The following CNTN4 variants were observed in gnomAD, a reference collection of about 807,000 sequenced individuals.
CNTN4 encodes the protein contactin 4.
In CNTN4, 77 loss-of-function variants were observed where a neutral mutation model predicts 122.5. That is an observed-to-expected ratio of 0.63 (90% CI 0.52 to 0.76). The LOEUF is 0.76. CNTN4 is among the 30% of genes least tolerant of loss of function. CNTN4 has a pLI of 0.00. For missense variants in CNTN4, 1,256 were observed against 1,259.1 expected, an observed-to-expected ratio of 1.00 and a Z score of 0.04; for synonymous variants, 512 against 447.0, an observed-to-expected ratio of 1.15 and a Z score of -1.83.
intron 3 of CNTN4, among the ~76,000 whole-genome samples, chr3:2,438,212 T>G (rs1164901825): frequency 6.6e-6 from 1 of 152,174 alleles, no homozygotes; most frequent in African/African-American, 2.4e-5. Context: ...TTCAGGATAT[T>G]CCTTTATTTT....
At chr3:2,388,669 A>T (rs996319031) in intron 3 of CNTN4, among the ~76,000 whole-genome samples, 3 of 151,738 alleles carry the variant, frequency 2.0e-5, no homozygotes, top group African/African-American at 7.3e-5. Flanking sequence ...ATGTGACAAA[A>T]CTCTGTCTCT....
chr3:2,974,780 G>A lies in CNTN4; in HGVS notation c.1359-13565G>A, dbSNP rs150504411. On this transcript the variant is annotated intron_variant, in intron 13 of 24. Transcript: ENST00000418658. ...TTCTATCATGATAGTGAATGAGCTA[G>A]TAGATTCCACTTTCATTTTCTCTCT... Among the ~76,000 whole-genome samples, 300 of 152,336 alleles carry A rather than the reference G, an allele frequency of 2.0e-3. 1 individual carries two copies. The highest frequency in any genetic ancestry group is 5.6e-4 in the Non-Finnish European group (38 of 68,030).
chr3:2,766,559 A>G (rs1576710242), intron 6 of CNTN4, among the ~76,000 whole-genome samples: 5 of 152,188 alleles, frequency 3.3e-5, no homozygotes, highest in Non-Finnish European at 1.5e-5. Context: ...ACGCAAAGGC[A>G]TAAGAATGAT....
At chr3:2,836,552 AAT>A (rs1422609237) in intron 7 of CNTN4, among the ~76,000 whole-genome samples, 2 of 152,098 alleles carry the variant, frequency 1.3e-5, no homozygotes, top group Non-Finnish European at 2.9e-5. Context: ...GGATGAGAAA[AAT>A]ACCTGAGACA....
rs2046460112 is a variant in CNTN4 at position 2,392,077 on chromosome 3, A to T, written c.-89+52844A>T. Among the ~76,000 whole-genome samples the T allele has an allele frequency of 2.0e-5, 3 of 152,206 alleles. No homozygotes were observed. In the South Asian group the frequency reaches 6.2e-4, roughly 32 times the overall value. ...AATTGCACCCTGCTAAGCAGCGCCGAGCCAAGTAAAATGTTGCTACATGAC... is the reference window on the plus strand; with the variant it reads ...AATTGCACCCTGCTAAGCAGCGCCGTGCCAAGTAAAATGTTGCTACATGAC... On this transcript the variant is annotated intron_variant, in intron 3 of 24. Coordinates refer to ENST00000418658, the MANE Select transcript of CNTN4 (RefSeq NM_175607.3).
intron 2 of CNTN4, among the ~76,000 whole-genome samples, chr3:2,150,981 G>GT (rs2035470161): frequency 1.3e-5 from 2 of 152,152 alleles, no homozygotes; most frequent in Admixed American, 1.3e-4. Flanking sequence ...TCGTAAGTAA[G>GT]TTGAGGATAC....
At chr3:2,542,079 A>G (rs1351156644) in intron 3 of CNTN4, among the ~76,000 whole-genome samples, 1 of 152,122 alleles carries the variant, frequency 6.6e-6, no homozygotes, top group Admixed American at 6.6e-5. Context: ...GGTCAGTAGC[A>G]CAGTGCCCCT....
chr3:2,951,308 G>A lies in CNTN4; in HGVS notation c.1358+25529G>A, dbSNP rs192340925. 9.9e-4 allele frequency among the ~76,000 whole-genome samples: 151 copies of A among 152,254 alleles called. 2 individuals are homozygous for A. Among genetic ancestry groups the A allele is most frequent in the African/African-American group, 3.5e-3 (144 of 41,548 alleles). Reference sequence around the variant, plus strand: ...AAAGTGTTCCATCTCAGATTATCAGGCATTAGATTCTCATAAGGGGCATGC... The same window carrying A: ...AAAGTGTTCCATCTCAGATTATCAGACATTAGATTCTCATAAGGGGCATGC... On this transcript the variant is annotated intron_variant, in intron 13 of 24. Transcript: ENST00000418658.
intron 13 of CNTN4, among the ~76,000 whole-genome samples, chr3:2,926,918 A>G (rs1014769477): frequency 6.6e-6 from 1 of 152,218 alleles, no homozygotes; most frequent in African/African-American, 2.4e-5. Context: ...TTGTAGCCAA[A>G]CCTGAAAATC....
At chr3:2,387,350 G>A (rs1396940342) in intron 3 of CNTN4, among the ~76,000 whole-genome samples, 3 of 151,854 alleles carry the variant, frequency 2.0e-5, no homozygotes, top group African/African-American at 4.8e-5. Flanking sequence ...TTATTCTTAA[G>A]GCAAATCTTT....
chr3:2,994,204 G>T (rs1695316725), intron 14 of CNTN4, among the ~76,000 whole-genome samples: 1 of 151,402 alleles, frequency 6.6e-6, no homozygotes, highest in African/African-American at 2.4e-5. Context: ...TTCTCAGACT[G>T]CATGTTCTTC....
chr3:3,007,191 A>G (rs535012365), intron 14 of CNTN4, among the ~76,000 whole-genome samples: 2 of 152,392 alleles, frequency 1.3e-5, no homozygotes, highest in African/African-American at 4.8e-5. Flanking sequence ...CTCTCAGCAG[A>G]CAAAACTGTT....
rs373894479 is a variant in CNTN4 at position 2,778,132 on chromosome 3, G to T, written c.358+32435G>T. Among the ~76,000 whole-genome samples the T allele has an allele frequency of 2.5e-3, 326 of 129,176 alleles. 19 individuals are homozygous for T. The highest frequency in any genetic ancestry group is 4.8e-3 in the South Asian group (16 of 3,302). 84.7% of individuals were successfully genotyped at this position (129,176 alleles called of 152,430 possible). ...AGGAGGCTGAGGCAGGAGAATGGCG[G>T]GAACCCAGGAAGCGGAGCTTGTGGT... On this transcript the variant is annotated intron_variant, in intron 6 of 24. Transcript: ENST00000418658.
chr3:2,987,335 T>C (rs1414051724), intron 13 of CNTN4, among the ~76,000 whole-genome samples: 1 of 152,188 alleles, frequency 6.6e-6, no homozygotes, highest in Non-Finnish European at 1.5e-5. Context: ...GCCAAGGATA[T>C]AGCTTTAAGC....
intron 13 of CNTN4, among the ~76,000 whole-genome samples, chr3:2,975,888 C>G (rs1693372281): frequency 6.6e-6 from 1 of 152,062 alleles, no homozygotes; most frequent in African/African-American, 2.4e-5. Flanking sequence ...CCCATTCATC[C>G]TCACAATGCC....
chr3:2,369,976 C>G (rs2045572522), intron 3 of CNTN4, among the ~76,000 whole-genome samples: 1 of 152,004 alleles, frequency 6.6e-6, no homozygotes, highest in Non-Finnish European at 1.5e-5. Context: ...CTGTTTTTAC[C>G]ATTAATTTTC....
intron 2 of CNTN4, among the ~76,000 whole-genome samples, chr3:2,275,683 A>G (rs1397669573): frequency 6.6e-6 from 1 of 152,072 alleles, no homozygotes; most frequent in Admixed American, 6.6e-5. Flanking sequence ...GCACTTTGGC[A>G]GGCTGAGGCG....
At chr3:2,551,586 A>G (rs1316087674) in intron 3 of CNTN4, among the ~76,000 whole-genome samples, 1 of 152,208 alleles carries the variant, frequency 6.6e-6, no homozygotes, top group Non-Finnish European at 1.5e-5. Flanking sequence ...TTTGAAAAAA[A>G]GAAAAAGCCC....
chr3:2,684,708 A>T (rs1282627254), intron 4 of CNTN4, among the ~76,000 whole-genome samples: 1 of 152,136 alleles, frequency 6.6e-6, no homozygotes, highest in African/African-American at 2.4e-5. Flanking sequence ...CTCCTAAATT[A>T]TTTTTCAAAG....
Sources: gnomAD v4.1 joint callset for allele counts (sites outside exome capture counted in the v4.1 genomes callset) on GRCh38, gnomAD v4.1.1 for gene constraint, MANE v1.5 for transcripts, NCBI Gene and HGNC (gene_info 2026-07-23, HGNC 2026-07-21) for gene names.